NSUN6: variants seen among roughly 807,000 people sequenced by gnomAD.
NSUN6 encodes tRNA (cytosine(72)-C(5))-methyltransferase NSUN6.
Under a neutral mutation model 58.0 loss-of-function variants are expected in NSUN6, and 64 were observed. The observed-to-expected ratio is 1.10, with a 90% CI of 0.90 to 1.36. The LOEUF (loss-of-function observed/expected upper bound fraction) is 1.36. NSUN6 is among the 40% of genes most tolerant of loss of function. The probability of loss-of-function intolerance (pLI) is 0.00; values close to 1 mark genes in which losing one functional copy is unlikely to be tolerated. For missense variants in NSUN6, 701 were observed against 550.1 expected, an observed-to-expected ratio of 1.27 and a Z score of -2.74; for synonymous variants, 231 against 193.9, an observed-to-expected ratio of 1.19 and a Z score of -1.59.
chr10:18,656,468 C>G (rs1350801789), upstream of NSUN6, among the ~76,000 whole-genome samples: 1 of 152,084 alleles, frequency 6.6e-6, no homozygotes, highest in East Asian at 1.9e-4. Context: ...ACCCGGGAGG[C>G]AGAGGTTGCA....
At chr10:18,565,332 T>C (rs1331105170) in intron 8 of NSUN6, among the ~76,000 whole-genome samples, 2 of 151,240 alleles carry the variant, frequency 1.3e-5, no homozygotes, top group African/African-American at 2.4e-5. Context: ...CTCCATTCCA[T>C]TCCCTTCCAT....
At chr10:18,562,725 G>A (rs1564723169) in intron 8 of NSUN6, among the ~76,000 whole-genome samples, 3 of 149,344 alleles carry the variant, frequency 2.0e-5, no homozygotes, top group Admixed American at 6.8e-5. Context: ...GGAATGGAAT[G>A]CGAAATGGAA....
rs1216926389 is a variant in NSUN6 at position 18,651,110 on chromosome 10, A to G, written c.75+19T>C. ...TTGAGTTTTTGCAAAATATCAACTA[A>G]CATCTTTACTTGACCTACCTCCTTA... On this transcript the variant is annotated intron_variant, in intron 1 of 10. Coordinates refer to ENST00000377304, the MANE Select transcript of NSUN6 (RefSeq NM_182543.5). The G allele has an allele frequency of 6.4e-7, 1 of 1,572,766 alleles. No individual in the cohort carries two copies. Among genetic ancestry groups the G allele is most frequent in the Non-Finnish European group, 8.6e-7 (1 of 1,169,110 alleles).
At chr10:18,593,827 A>C (rs2057471378) in intron 7 of NSUN6, among the ~76,000 whole-genome samples, 1 of 151,776 alleles carries the variant, frequency 6.6e-6, no homozygotes, top group Non-Finnish European at 1.5e-5. Flanking sequence ...ATACCTATGT[A>C]ACAAACCTGC....
intron 3 of NSUN6, among the ~76,000 whole-genome samples, chr10:18,634,938 T>C (rs1378645851): frequency 2.6e-5 from 4 of 152,134 alleles, no homozygotes; most frequent in Non-Finnish European, 4.4e-5. Flanking sequence ...AGCTAGAAAC[T>C]GGAATGAGAA....
rs763315119 is a variant in NSUN6 at position 18,545,680 on chromosome 10, T to C, written c.*253A>G. 3 of 342,262 alleles carry C rather than the reference T, an allele frequency of 8.8e-6. No individual in the cohort carries two copies. Among genetic ancestry groups the C allele is most frequent in the African/African-American group, 4.3e-5 (2 of 46,034 alleles). 21.2% of individuals were successfully genotyped at this position (342,262 alleles called of 1,614,324 possible). On this transcript the variant is annotated 3_prime_UTR_variant, in exon 11 of 11. Transcript: ENST00000377304. ...AATGAAAATATGCTCCAGACATCTA[T>C]AGGCATCTGCTTTTCTTTATACTCT... is the stretch of plus-strand genomic sequence containing the variant.
chr10:18,545,896 T>C lies in NSUN6; in HGVS notation c.*37A>G, dbSNP rs2054224126. 1.0e-6 allele frequency: 1 copy of C among 1,003,178 alleles called. No individual in the cohort carries two copies. The highest frequency in any genetic ancestry group is 1.5e-6 in the Non-Finnish European group (1 of 673,334). The allele number at this position is 1,003,178 out of a possible 1,614,324, so 62.1% of individuals were successfully genotyped here. A position where few individuals can be genotyped will look rare whatever the true frequency, so the allele number is the denominator to read the frequency against. ...AAAAAAAAAAACCACAGACAGCAAATGTTTGGAATTTTCATTTCTGAGCAT... is the reference window on the plus strand; with the variant it reads ...AAAAAAAAAAACCACAGACAGCAAACGTTTGGAATTTTCATTTCTGAGCAT... On this transcript the variant is annotated 3_prime_UTR_variant, in exon 11 of 11. Coordinates refer to ENST00000377304, the MANE Select transcript of NSUN6 (RefSeq NM_182543.5).
At chr10:18,610,878 A>G (rs1054801995) in intron 5 of NSUN6, among the ~76,000 whole-genome samples, 2 of 152,196 alleles carry the variant, frequency 1.3e-5, no homozygotes, top group African/African-American at 4.8e-5. Context: ...CGGCACAGAA[A>G]AAAGTATAGT....
upstream of NSUN6, chr10:18,653,149 A>T: frequency 1.0e-6 from 1 of 984,962 alleles, no homozygotes; most frequent in Non-Finnish European, 1.2e-6. Flanking sequence ...GCGATAAAGG[A>T]GGAGAAACAA....
chr10:18,553,697 A>C (rs2054771174), intron 8 of NSUN6, among the ~76,000 whole-genome samples: 1 of 151,476 alleles, frequency 6.6e-6, no homozygotes, highest in Admixed American at 6.6e-5. Flanking sequence ...GGAATGCAGA[A>C]TGGAATGGAA....
At chr10:18,578,473 G>A (rs949934871) in intron 8 of NSUN6, among the ~76,000 whole-genome samples, 13 of 152,068 alleles carry the variant, frequency 8.5e-5, no homozygotes, top group South Asian at 2.1e-4. Context: ...TAAGCCTTTC[G>A]GTTGTGGTAG....
At chr10:18,591,321 C>T (rs1032428591) in intron 7 of NSUN6, among the ~76,000 whole-genome samples, 2 of 152,162 alleles carry the variant, frequency 1.3e-5, no homozygotes, top group African/African-American at 2.4e-5. Flanking sequence ...GGAGCTGGCA[C>T]CATTCCTTCT....
At chr10:18,623,425 A>G (rs918227776) in intron 3 of NSUN6, among the ~76,000 whole-genome samples, 3 of 152,198 alleles carry the variant, frequency 2.0e-5, no homozygotes, top group African/African-American at 7.2e-5. Flanking sequence ...CGATGATGAG[A>G]AAAAATTGGC....
chr10:18,594,890 A>G (rs968068763), intron 7 of NSUN6, among the ~76,000 whole-genome samples: 2 of 152,226 alleles, frequency 1.3e-5, no homozygotes, highest in African/African-American at 2.4e-5. Context: ...ATAGGGTGAC[A>G]GTAGATGTCA....
intron 8 of NSUN6, among the ~76,000 whole-genome samples, chr10:18,565,807 C>A (rs2055882474): frequency 6.6e-6 from 1 of 151,206 alleles, no homozygotes. Context: ...ATTCCTTTCT[C>A]CACTCCATTC....
Position 18,586,105 on chromosome 10 carries a change from C to T in NSUN6, c.778-12G>A, listed in dbSNP as rs766091278. ...GCTATAACTTCTCCCTAAAAAGAAA[C>T]AAAACACACACATGCAGAAAAAAAA... is the stretch of plus-strand genomic sequence containing the variant. On this transcript the variant is annotated splice_polypyrimidine_tract_variant and intron_variant, in intron 7 of 10. Transcript: ENST00000377304. 4 of 1,482,658 alleles carry T rather than the reference C, an allele frequency of 2.7e-6. No homozygotes were observed. In the East Asian group the frequency reaches 7.3e-5, roughly 27 times the overall value. 91.8% of individuals were successfully genotyped at this position (1,482,658 alleles called of 1,614,324 possible). A position where few individuals can be genotyped will look rare whatever the true frequency, so the allele number is the denominator to read the frequency against.
intron 8 of NSUN6, 73 bp from the exon 9 acceptor site, chr10:18,552,044 G>T: frequency 1.2e-6 from 1 of 812,468 alleles, no homozygotes. Flanking sequence ...GAGATGAGCA[G>T]GAATTTAAAA....
At chr10:18,573,290 C>A (rs944838437) in intron 8 of NSUN6, among the ~76,000 whole-genome samples, 13 of 151,762 alleles carry the variant, frequency 8.6e-5, no homozygotes, top group East Asian at 1.9e-4. Context: ...ATACTCCATC[C>A]CATTCCATTC....
At chr10:18,652,254 A>G, upstream of NSUN6, 2 of 984,304 alleles carry the variant, frequency 2.0e-6, no homozygotes, top group Non-Finnish European at 2.4e-6. Flanking sequence ...GCAGACAAGG[A>G]TATAGATTCA....
Sources: allele counts gnomAD v4.1 joint callset (sites outside exome capture counted in the v4.1 genomes callset), GRCh38; gene constraint gnomAD v4.1.1; transcripts MANE v1.5; gene names NCBI Gene and HGNC (gene_info 2026-07-23, HGNC 2026-07-21).